Variants in SLC12A3 observed in about 807,000 individuals in gnomAD.
SLC12A3 encodes the protein Na-Cl cotransporter.
SLC12A3 carries 104 observed loss-of-function variants against 121.0 expected under a neutral mutation model. The observed-to-expected ratio is 0.86, with a 90% CI of 0.73 to 1.01. The LOEUF is 1.01. SLC12A3 is among the 50% of genes least tolerant of loss of function. The pLI, the probability that SLC12A3 is intolerant of heterozygous loss-of-function variation, is 0.00. For missense variants in SLC12A3, 1,328 were observed against 1,356.3 expected, an observed-to-expected ratio of 0.98 and a Z score of 0.33; for synonymous variants, 536 against 533.4, an observed-to-expected ratio of 1.00 and a Z score of -0.07.
In SLC12A3 at chr16:56,876,235, C is replaced by T. The variant is rs146578373; in HGVS notation, c.1096-1842C>T. On this transcript the variant is annotated intron_variant, in intron 8 of 25. Transcript: ENST00000563236. ...AGGACACCAGTCATTGCATTTGGGGCCCACCCTAATCCGGTATGACCTCAT... is the reference window on the plus strand; with the variant it reads ...AGGACACCAGTCATTGCATTTGGGGTCCACCCTAATCCGGTATGACCTCAT... Among the ~76,000 whole-genome samples the T allele has an allele frequency of 1.4e-3, 218 of 152,244 alleles. 1 individual carries two copies. The highest frequency in any genetic ancestry group is 5.0e-3 in the African/African-American group (206 of 41,546).
At chr16:56,882,602 G>T (rs2055256658) in intron 13 of SLC12A3, 105 bp downstream of exon 13, 3 of 823,684 alleles carry the variant, frequency 3.6e-6, no homozygotes, top group Admixed American at 1.7e-5. Flanking sequence ...GCAGCCCAAG[G>T]TCACCTCTCA....
chr16:56,898,264 G>T (rs1456893836), intron 22 of SLC12A3, among the ~76,000 whole-genome samples: 1 of 109,014 alleles, frequency 9.2e-6, no homozygotes, highest in African/African-American at 4.5e-5. Flanking sequence ...GTTTTGTTTT[G>T]TTTTGTTTTG....
intron 24 of SLC12A3, 23 bp downstream of exon 24, chr16:56,902,531 G>GTGGGGGGGGGGGCCC: frequency 1.4e-6 from 1 of 714,570 alleles, no homozygotes; most frequent in Non-Finnish European, 2.4e-6. Context: ...GTGGGGGTGG[G>GTGGGGGGGGGGGCCC]AAACGCGACA....
At position 56,883,279 on chromosome 16, in the gene SLC12A3, C is replaced by CTT. The variant is rs71152216; in HGVS notation, c.1670-752_1670-751dup. On this transcript the variant is annotated intron_variant, in intron 13 of 25. Transcript: ENST00000563236. ...GAGGCTTGAGGAAGACTTTTTCTTT[C>CTT]TTTTTTTTTTTTTTTTTTTGAGACG... 1.6e-3 allele frequency among the ~76,000 whole-genome samples: 187 copies of CTT among 119,516 alleles called. 5 individuals are homozygous for CTT. The highest frequency in any genetic ancestry group is 3.9e-3 in the East Asian group (16 of 4,118). 78.4% of individuals were successfully genotyped at this position (119,516 alleles called of 152,430 possible).
Position 56,879,233 on chromosome 16 carries a change from G to T in SLC12A3, c.1335+6G>T, listed in dbSNP as rs1335409346. 1.2e-6 allele frequency: 2 copies of T among 1,613,804 alleles called. No homozygotes were observed. The highest frequency in any genetic ancestry group is 1.3e-5 in the African/African-American group (1 of 75,056). ...GCCTCATCAACTATTACCAGGTACT[G>T]CCAGGAGAGCTGACCCACCAGACAC... is the stretch of plus-strand genomic sequence containing the variant. On this transcript the variant is annotated splice_donor_region_variant and intron_variant, in intron 10 of 25. Coordinates refer to ENST00000563236, the MANE Select transcript of SLC12A3 (RefSeq NM_001126108.2).
At chr16:56,911,092 T>C (rs2055678385) in intron 25 of SLC12A3, among the ~76,000 whole-genome samples, 2 of 152,364 alleles carry the variant, frequency 1.3e-5, no homozygotes, top group South Asian at 4.1e-4. Context: ...GCACCATTTC[T>C]CTCGTGGCCT....
chr16:56,906,887 G>T, intron 25 of SLC12A3: 6 of 568,760 alleles, frequency 1.1e-5, no homozygotes, highest in East Asian at 3.8e-5. Context: ...AGGAAGTTAA[G>T]GGGACTGTAA....
At chr16:56,902,643 C>A (rs933826127) in intron 24 of SLC12A3, 135 bp downstream of exon 24, 2 of 1,104,698 alleles carry the variant, frequency 1.8e-6, no homozygotes, top group African/African-American at 1.5e-5. Flanking sequence ...GAGGTATCCT[C>A]AAGCCACAGT....
In SLC12A3 at chr16:56,913,918, TA is replaced by T. The variant is rs755671262; in HGVS notation, c.*514del. On this transcript the variant is annotated 3_prime_UTR_variant, in exon 26 of 26. Coordinates refer to ENST00000563236, the MANE Select transcript of SLC12A3 (RefSeq NM_001126108.2). ...ACAGCCAGGCAAATACATATATATA[TA>T]TTTTTTTTTTAGATGAAGTTTTTTC... 3.5e-4 allele frequency: 52 copies of T among 146,652 alleles called. No homozygotes were observed. The highest frequency in any genetic ancestry group is 1.1e-3 in the South Asian group (5 of 4,696). The allele number at this position is 146,652 out of a possible 1,614,324, so 9.1% of individuals were successfully genotyped here. A position where few individuals can be genotyped will look rare whatever the true frequency, so the allele number is the denominator to read the frequency against.
intron 25 of SLC12A3, among the ~76,000 whole-genome samples, chr16:56,909,297 A>G (rs1302072616): frequency 7.1e-6 from 1 of 140,602 alleles, no homozygotes; most frequent in Non-Finnish European, 1.5e-5. Context: ...TGTCACTACC[A>G]AAAGAAAAAA....
At chr16:56,892,032 G>A in intron 19 of SLC12A3, 51 bp from the exon 20 acceptor site, 2 of 1,394,124 alleles carry the variant, frequency 1.4e-6, no homozygotes, top group Non-Finnish European at 2.0e-6. Flanking sequence ...GGAACCCACG[G>A]TGCCCTCAGA....
intron 25 of SLC12A3, among the ~76,000 whole-genome samples, chr16:56,910,358 C>T (rs967127514): frequency 1.5e-4 from 23 of 151,608 alleles, no homozygotes; most frequent in Admixed American, 1.1e-3. Flanking sequence ...GTTTTGGTGG[C>T]GGGGTCTTAC....
intron 25 of SLC12A3, among the ~76,000 whole-genome samples, chr16:56,907,809 C>T (rs1414222560): frequency 2.0e-5 from 3 of 152,176 alleles, no homozygotes; most frequent in Non-Finnish European, 4.4e-5. Flanking sequence ...CTCCTAAAAC[C>T]ATCACTCTGG....
At chr16:56,873,003 A>G (rs2055119231) in intron 8 of SLC12A3, among the ~76,000 whole-genome samples, 1 of 152,156 alleles carries the variant, frequency 6.6e-6, no homozygotes, top group Non-Finnish European at 1.5e-5. Flanking sequence ...CTTGAGGGAC[A>G]CCACAGAATG....
At chr16:56,912,516 T>C (rs1388053198) in intron 25 of SLC12A3, among the ~76,000 whole-genome samples, 2 of 152,108 alleles carry the variant, frequency 1.3e-5, no homozygotes, top group Admixed American at 6.5e-5. Context: ...ACATATCACA[T>C]TGCTGTGGCC....
intron 22 of SLC12A3, among the ~76,000 whole-genome samples, chr16:56,895,070 C>G (rs1467147321): frequency 1.3e-5 from 2 of 150,916 alleles, no homozygotes; most frequent in African/African-American, 4.9e-5. Flanking sequence ...CCAGGAGGAA[C>G]CTGTATGAAA....
rs570176600 is a variant in SLC12A3 at position 56,886,137 on chromosome 16, G to A, written c.1926-227G>A. Among the ~76,000 whole-genome samples the A allele has an allele frequency of 5.3e-5, 8 of 152,316 alleles. No individual in the cohort carries two copies. In the South Asian group the frequency reaches 1.7e-3, roughly 32 times the overall value. On this transcript the variant is annotated intron_variant, in intron 15 of 25. Coordinates refer to ENST00000563236, the MANE Select transcript of SLC12A3 (RefSeq NM_001126108.2). ...GGACATGCATGGGGGGTAGCATTTT[G>A]TGGCCTGAGCAGGAAGGACCAGGGA...
Position 56,885,138 on chromosome 16 carries a change from T to C in SLC12A3, c.1826-127T>C, listed in dbSNP as rs370105329. ...CACCTTGCAGGCTGCCCATCCCAGG[T>C]GGCCCTGCTCCCACGGGTGCCCGGT... On this transcript the variant is annotated intron_variant, in intron 14 of 25. Transcript: ENST00000563236. 6.0e-5 allele frequency: 43 copies of C among 712,174 alleles called. No homozygotes were observed. The African/African-American group carries it at 6.4e-4, about 11-fold the overall frequency. The allele number at this position is 712,174 out of a possible 1,614,324, so 44.1% of individuals were successfully genotyped here.
rs754609752 is a variant in SLC12A3, at chr16:56,872,726, C to T, written c.1035C>T (p.Ser345=). 5 of 1,614,248 alleles carry T rather than the reference C, an allele frequency of 3.1e-6. 1 individual carries two copies. The South Asian group carries it at 5.5e-5, about 18-fold the overall frequency. The change falls in exon 8 of 26, where the codon TCC becomes TCT. Residue 345 remains serine (S), a synonymous_variant. Coordinates refer to ENST00000563236, the MANE Select transcript of SLC12A3 (RefSeq NM_001126108.2). Reference sequence around the variant, plus strand: ...ATGGCACCTTCTTCGGAATGTTCTCCATCTTCTTCCCCTCGGCCACAGGCA... The same window carrying T: ...ATGGCACCTTCTTCGGAATGTTCTCTATCTTCTTCCCCTCGGCCACAGGCA... ...GPDGTFFGMF[S]IFFPSATGIL...
Sources: gnomAD v4.1 joint callset for allele counts (sites outside exome capture counted in the v4.1 genomes callset) on GRCh38, gnomAD v4.1.1 for gene constraint, MANE v1.5 for transcripts, NCBI Gene and HGNC (gene_info 2026-07-23, HGNC 2026-07-21) for gene names.